FSIP1: variants seen among roughly 807,000 people sequenced by gnomAD.
FSIP1 encodes the protein fibrous sheath-interacting protein 1.
A neutral mutation model predicts 60.9 loss-of-function variants in FSIP1; 65 were observed. That is an observed-to-expected ratio of 1.07 (90% CI 0.87 to 1.31). The LOEUF (loss-of-function observed/expected upper bound fraction) is 1.31, where lower values mean the gene tolerates loss of function less well. FSIP1 is among the 40% of genes most tolerant of loss of function. The pLI is 0.00. For missense variants in FSIP1, 675 were observed against 665.5 expected (o/e 1.01, Z -0.16); for synonymous variants, 209 against 221.2 (o/e 0.94, Z 0.49).
At chr15:39,763,798 G>A (rs1328376167) in intron 5 of FSIP1, 23 bp downstream of exon 5, 1 of 1,206,360 alleles carries the variant, frequency 8.3e-7, no homozygotes, top group Non-Finnish European at 1.2e-6. Context: ...AAACAAAGTT[G>A]AATGACATCT....
At chr15:39,629,055 G>A (rs1388245452) in intron 10 of FSIP1, among the ~76,000 whole-genome samples, 1 of 152,194 alleles carries the variant, frequency 6.6e-6, no homozygotes, top group Non-Finnish European at 1.5e-5. Context: ...CTTGGAAGCT[G>A]TACACTGAAG....
intron 10 of FSIP1, among the ~76,000 whole-genome samples, chr15:39,704,771 TG>T (rs1394092842): frequency 2.0e-5 from 3 of 152,220 alleles, no homozygotes; most frequent in Admixed American, 2.0e-4. Context: ...GTCTTCTGAC[TG>T]GGGTTCATAT....
chr15:39,707,666 C>T lies in FSIP1; in HGVS notation c.1188+5778G>A, dbSNP rs147865094. ...AAATGTCCAGACCCTCTTCTAAGTACCTTATATATACTAATTTAAACTTCA... is the reference window on the plus strand; with the variant it reads ...AAATGTCCAGACCCTCTTCTAAGTATCTTATATATACTAATTTAAACTTCA... On this transcript the variant is annotated intron_variant, in intron 10 of 11. Coordinates refer to ENST00000350221, the MANE Select transcript of FSIP1 (RefSeq NM_152597.5). Among the ~76,000 whole-genome samples, 4 of 152,162 alleles carry T rather than the reference C, an allele frequency of 2.6e-5. No homozygotes were observed. The South Asian group carries it at 8.3e-4, about 32-fold the overall frequency.
At chr15:39,649,052 G>A (rs1416548992) in intron 10 of FSIP1, among the ~76,000 whole-genome samples, 7 of 151,934 alleles carry the variant, frequency 4.6e-5, no homozygotes, top group South Asian at 2.1e-4. Flanking sequence ...CTAAGCAAAC[G>A]GAAACAACCA....
chr15:39,715,495 G>A (rs946697661), intron 9 of FSIP1, among the ~76,000 whole-genome samples: 11 of 152,060 alleles, frequency 7.2e-5, no homozygotes, highest in Non-Finnish European at 1.3e-4. Flanking sequence ...TTGGGTTTTC[G>A]AAACTTTCAT....
intron 2 of FSIP1, 47 bp downstream of exon 2, chr15:39,776,352 T>G: frequency 1.9e-6 from 3 of 1,585,112 alleles, no homozygotes; most frequent in Non-Finnish European, 2.6e-6. Flanking sequence ...CATCAACTGC[T>G]GAGAGGTTGG....
intron 5 of FSIP1, among the ~76,000 whole-genome samples, chr15:39,748,963 A>G (rs1173238132): frequency 1.3e-5 from 2 of 152,066 alleles, no homozygotes; most frequent in Non-Finnish European, 2.9e-5. Flanking sequence ...CAGAAATGAA[A>G]ACAAAGAAAT....
intron 8 of FSIP1, among the ~76,000 whole-genome samples, chr15:39,731,338 A>G (rs1430474040): frequency 1.3e-5 from 2 of 152,214 alleles, no homozygotes; most frequent in Admixed American, 6.5e-5. Flanking sequence ...AAAATATACT[A>G]TATTACCTAA....
intron 10 of FSIP1, among the ~76,000 whole-genome samples, chr15:39,695,293 C>A (rs1419985138): frequency 6.6e-6 from 1 of 151,776 alleles, no homozygotes; most frequent in African/African-American, 2.4e-5. Context: ...GGCTGCCAAT[C>A]CCCATCTGTA....
chr15:39,718,542 G>A (rs886966203), intron 9 of FSIP1, among the ~76,000 whole-genome samples: 2 of 148,496 alleles, frequency 1.3e-5, no homozygotes, highest in African/African-American at 5.0e-5. Context: ...CCAGGCTGGA[G>A]TGCAGTGGCA....
In FSIP1 at chr15:39,756,373, T is replaced by C. The variant is rs553216115; in HGVS notation, c.559+7448A>G. On this transcript the variant is annotated intron_variant, in intron 5 of 11. Transcript: ENST00000350221. ...CCCAAAGTCCTTAAGGTTAATTTTT[T>C]GTTTGTTTGTTTGTGTTTTGGAGAT... Among the ~76,000 whole-genome samples, 214 of 152,294 alleles carry C rather than the reference T, an allele frequency of 1.4e-3. 2 individuals are homozygous for C. Among genetic ancestry groups the C allele is most frequent in the Non-Finnish European group, 3.4e-4 (23 of 68,002 alleles).
chr15:39,644,866 T>C (rs1016473016), intron 10 of FSIP1, among the ~76,000 whole-genome samples: 4 of 152,260 alleles, frequency 2.6e-5, no homozygotes, highest in Non-Finnish European at 2.9e-5. Flanking sequence ...AGTTTTCAAA[T>C]TGCTGATGTA....
chr15:39,692,403 C>T (rs1894638866), intron 10 of FSIP1, among the ~76,000 whole-genome samples: 1 of 152,198 alleles, frequency 6.6e-6, no homozygotes, highest in Non-Finnish European at 1.5e-5. Flanking sequence ...ACATTAGACA[C>T]CATTTTACAA....
chr15:39,758,038 T>G (rs1897355919), intron 5 of FSIP1, among the ~76,000 whole-genome samples: 1 of 152,142 alleles, frequency 6.6e-6, no homozygotes. Context: ...CCAGCTTTCA[T>G]ATCATTAAGT....
At chr15:39,719,543 C>G (rs7180740) in intron 9 of FSIP1, among the ~76,000 whole-genome samples, 18,050 of 152,192 alleles carry the variant, frequency 0.12, 1,310 homozygotes, top group African/African-American at 0.2. Context: ...TCAAAAACAG[C>G]AAATTACCCG....
chr15:39,632,647 G>T (rs1175565298), intron 10 of FSIP1, among the ~76,000 whole-genome samples: 1 of 152,112 alleles, frequency 6.6e-6, no homozygotes, highest in Non-Finnish European at 1.5e-5. Flanking sequence ...ACAAAACTTA[G>T]CTGGGCATGG....
chr15:39,767,154 A>G (rs906931514), intron 3 of FSIP1, among the ~76,000 whole-genome samples: 1 of 152,062 alleles, frequency 6.6e-6, no homozygotes, highest in East Asian at 1.9e-4. Context: ...CAATTCCATC[A>G]TTTCCTCTTA....
intron 5 of FSIP1, among the ~76,000 whole-genome samples, chr15:39,756,641 C>A (rs930455555): frequency 6.6e-6 from 1 of 151,928 alleles, no homozygotes; most frequent in Non-Finnish European, 1.5e-5. Flanking sequence ...CAACCTGAAG[C>A]TAACTCTTAA....
chr15:39,669,707 A>T (rs1484281179), intron 10 of FSIP1, among the ~76,000 whole-genome samples: 1 of 152,272 alleles, frequency 6.6e-6, no homozygotes, highest in Non-Finnish European at 1.5e-5. Context: ...GGATAAAACT[A>T]AATTGGGACA....
Sources: gnomAD v4.1 joint callset for allele counts (sites outside exome capture counted in the v4.1 genomes callset) on GRCh38, gnomAD v4.1.1 for gene constraint, MANE v1.5 for transcripts, NCBI Gene and HGNC (gene_info 2026-07-23, HGNC 2026-07-21) for gene names.